Variants in LMBR1 observed in about 807,000 individuals in gnomAD.
LMBR1 encodes the protein limb region 1 protein homolog.
LMBR1 carries 52 observed loss-of-function variants against 73.9 expected under a neutral mutation model. The observed-to-expected ratio is 0.70, with a 90% CI of 0.56 to 0.89. LMBR1 has a LOEUF of 0.89. Among genes scored for constraint, LMBR1 ranks in the 40% least tolerant of loss-of-function variants. LMBR1 has a pLI of 0.00. For missense variants in LMBR1, 539 were observed against 579.8 expected (o/e 0.93, Z 0.72); for synonymous variants, 215 against 209.4 (o/e 1.03, Z -0.23).
chr7:156,859,156 G>A (rs1381642481), intron 1 of LMBR1, among the ~76,000 whole-genome samples: 1 of 151,956 alleles, frequency 6.6e-6, no homozygotes, highest in Non-Finnish European at 1.5e-5. Flanking sequence ...ACTAAGGCAG[G>A]AGAATTGCTT....
At chr7:156,774,693 G>A (rs1203582762) in intron 5 of LMBR1, among the ~76,000 whole-genome samples, 7 of 152,060 alleles carry the variant, frequency 4.6e-5, no homozygotes, top group East Asian at 1.9e-4. Flanking sequence ...TTAGCCGGGC[G>A]TGGTGGCGGG....
At chr7:156,821,994 T>C (rs906395974) in intron 4 of LMBR1, among the ~76,000 whole-genome samples, 2 of 152,260 alleles carry the variant, frequency 1.3e-5, no homozygotes, top group South Asian at 4.1e-4. Context: ...TTTATACACA[T>C]ACATTTCCCT....
Position 156,681,491 on chromosome 7 carries a change from A to G in LMBR1, c.*2587T>C, listed in dbSNP as rs1413436705. 1 of 156,220 alleles carries G rather than the reference A, an allele frequency of 6.4e-6. No homozygotes were observed. Among genetic ancestry groups the G allele is most frequent in the Non-Finnish European group, 1.4e-5 (1 of 70,568 alleles). The allele number at this position is 156,220 out of a possible 1,614,324, so 9.7% of individuals were successfully genotyped here. A position where few individuals can be genotyped will look rare whatever the true frequency, so the allele number is the denominator to read the frequency against. On this transcript the variant is annotated 3_prime_UTR_variant, in exon 17 of 17. Transcript: ENST00000353442. ...GAAGTATCTTGGAAAATCAGTAAAA[A>G]TTAATACAAATGTTATAATCTGAAA...
At chr7:156,888,280 G>C (rs1291150152) in intron 1 of LMBR1, among the ~76,000 whole-genome samples, 2 of 151,644 alleles carry the variant, frequency 1.3e-5, no homozygotes, top group African/African-American at 2.4e-5. Flanking sequence ...CGTGGTGGCG[G>C]GTGCCTGTAG....
At chr7:156,675,969 G>A, downstream of LMBR1, 1 of 1,183,592 alleles carries the variant, frequency 8.4e-7, no homozygotes, top group Non-Finnish European at 1.2e-6. Context: ...GGGGAGCCTA[G>A]GAGTGTCAGG....
chr7:156,805,806 A>C (rs1422093662), intron 4 of LMBR1, among the ~76,000 whole-genome samples: 1 of 152,168 alleles, frequency 6.6e-6, no homozygotes, highest in Admixed American at 6.5e-5. Flanking sequence ...CCTCAGTGTG[A>C]TGGTCGTTAG....
intron 4 of LMBR1, among the ~76,000 whole-genome samples, chr7:156,796,842 C>T (rs936579597): frequency 6.6e-6 from 1 of 152,126 alleles, no homozygotes; most frequent in African/African-American, 2.4e-5. Flanking sequence ...CTAATAAATG[C>T]CAGATACTCT....
intron 7 of LMBR1, among the ~76,000 whole-genome samples, chr7:156,762,577 G>C (rs1344692599): frequency 6.6e-6 from 1 of 152,168 alleles, no homozygotes; most frequent in African/African-American, 2.4e-5. Flanking sequence ...AATATCTAAA[G>C]GTGACAACCA....
chr7:156,775,783 TAAG>T (rs566317182), intron 5 of LMBR1, among the ~76,000 whole-genome samples: 168 of 152,208 alleles, frequency 1.1e-3, no homozygotes, highest in African/African-American at 3.6e-3. Context: ...AATTTTTTCT[TAAG>T]AAGTAACTTC....
intron 1 of LMBR1, among the ~76,000 whole-genome samples, chr7:156,876,355 G>A (rs1800169046): frequency 6.6e-6 from 1 of 152,078 alleles, no homozygotes; most frequent in African/African-American, 2.4e-5. Flanking sequence ...AAGACAGACA[G>A]CAACACAATA....
At chr7:156,853,495 A>C (rs542627848) in intron 1 of LMBR1, among the ~76,000 whole-genome samples, 49 of 152,314 alleles carry the variant, frequency 3.2e-4, no homozygotes, top group African/African-American at 1.1e-3. Context: ...ATGCCATCCA[A>C]AACTGTATTT....
At chr7:156,787,172 GT>G (rs1312227209) in intron 5 of LMBR1, among the ~76,000 whole-genome samples, 1 of 152,116 alleles carries the variant, frequency 6.6e-6, no homozygotes, top group African/African-American at 2.4e-5. Flanking sequence ...CTGAGCCTCA[GT>G]TCTGACTCCT....
chr7:156,803,090 G>A (rs1831305743), intron 4 of LMBR1, among the ~76,000 whole-genome samples: 1 of 152,006 alleles, frequency 6.6e-6, no homozygotes, highest in Admixed American at 6.6e-5. Flanking sequence ...CATAGGCATG[G>A]GCAAGGACTT....
At chr7:156,862,329 T>C (rs1302903953) in intron 1 of LMBR1, among the ~76,000 whole-genome samples, 1 of 152,116 alleles carries the variant, frequency 6.6e-6, no homozygotes, top group Non-Finnish European at 1.5e-5. Context: ...GGGAAAGACC[T>C]ACCTCCATGA....
chr7:156,775,623 G>T (rs11972575), intron 5 of LMBR1, among the ~76,000 whole-genome samples: 28,335 of 152,018 alleles, frequency 0.19, 3,103 homozygotes, highest in African/African-American at 0.3. Flanking sequence ...TGTGAACATG[G>T]ATAATTAACA....
rs1816274461 is a variant in LMBR1, at chr7:156,728,795, T to C, written c.839-75A>G. 7.9e-6 allele frequency: 8 copies of C among 1,018,124 alleles called. No homozygotes were observed. The East Asian group carries it at 9.9e-5, about 13-fold the overall frequency. The allele number at this position is 1,018,124 out of a possible 1,614,324, so 63.1% of individuals were successfully genotyped here. A position where few individuals can be genotyped will look rare whatever the true frequency, so the allele number is the denominator to read the frequency against. ...TTTCCTTCCATAATGCTATAATCTG[T>C]TTTATACATAATTTCTTTTTAAAAA... is the stretch of plus-strand genomic sequence containing the variant. On this transcript the variant is annotated intron_variant, in intron 10 of 16. Transcript: ENST00000353442.
chr7:156,726,153 G>C (rs1182487204), intron 12 of LMBR1: 1 of 227,166 alleles, frequency 4.4e-6, no homozygotes, highest in Non-Finnish European at 8.5e-6. Context: ...AAAAAATCCT[G>C]AATAGTTTTG....
chr7:156,869,631 C>G (rs1563580103), intron 1 of LMBR1, among the ~76,000 whole-genome samples: 1 of 151,976 alleles, frequency 6.6e-6, no homozygotes, highest in Admixed American at 6.6e-5. Context: ...CAAAAAACAA[C>G]AAAATGGCAG....
At chr7:156,708,847 C>T (rs34554809) in intron 15 of LMBR1, among the ~76,000 whole-genome samples, 5,253 of 152,184 alleles carry the variant, frequency 0.035, 137 homozygotes, top group Non-Finnish European at 0.044. Context: ...GAAGAGAGAC[C>T]AGCCTTGCCA....
Sources: allele counts gnomAD v4.1 joint callset (sites outside exome capture counted in the v4.1 genomes callset), GRCh38; gene constraint gnomAD v4.1.1; transcripts MANE v1.5; gene names NCBI Gene and HGNC (gene_info 2026-07-23, HGNC 2026-07-21).